The following MFN2 variants were observed in gnomAD, a reference collection of about 807,000 sequenced individuals.
MFN2 encodes the protein mitofusin-2.
MFN2 carries 43 observed loss-of-function variants against 87.5 expected under a neutral mutation model. The observed-to-expected ratio is 0.49, with a 90% confidence interval of 0.38 to 0.63. MFN2 has a LOEUF of 0.63. MFN2 is among the 30% of genes least tolerant of loss of function. MFN2 has a pLI of 0.00. For synonymous variants in MFN2, 337 were observed against 359.9 expected (o/e 0.94, Z 0.72); for missense variants, 743 against 972.8 (o/e 0.76, Z 3.14).
chr1:12,004,309 G>T lies in MFN2; in HGVS notation c.1287+191G>T, dbSNP rs1361477738. On this transcript the variant is annotated intron_variant, in intron 12 of 18. Coordinates refer to ENST00000235329, the MANE Select transcript of MFN2 (RefSeq NM_014874.4). This position sits in a 1 kb window ranked among gnomAD's most constrained non-coding sequence, Gnocchi z 4.2. ...ATGCTGGGCATGTTCCCTTTCCTCT[G>T]GACCTCCACAGATCATGTGGGCGTT... is the stretch of plus-strand genomic sequence containing the variant. Among the ~76,000 whole-genome samples, 1 of 152,116 alleles carries T rather than the reference G, an allele frequency of 6.6e-6. No individual in the cohort carries two copies. The highest frequency in any genetic ancestry group is 1.5e-5 in the Non-Finnish European group (1 of 68,024).
At position 12,003,669 on chromosome 1, in the gene MFN2, A is replaced by T. The variant is rs1000672701; in HGVS notation, c.1161-323A>T. ...ACAAGAGTGAAACTCCATCTCAAAA[A>T]AAAAAAAAAAATCATTTCTGTGATT... On this transcript the variant is annotated intron_variant, in intron 11 of 18. Transcript: ENST00000235329. This position sits in a 1 kb window ranked among gnomAD's most constrained non-coding sequence, Gnocchi z 4.1. Among the ~76,000 whole-genome samples, 1 of 152,116 alleles carries T rather than the reference A, an allele frequency of 6.6e-6. No individual in the cohort carries two copies. The highest frequency in any genetic ancestry group is 1.5e-5 in the Non-Finnish European group (1 of 68,022).
chr1:12,001,892 C>CT, intron 10 of MFN2, 56 bp downstream of exon 10: 1 of 1,613,816 alleles, frequency 6.2e-7, no homozygotes, highest in Non-Finnish European at 8.5e-7. Flanking sequence ...CTCCCATTGG[C>CT]TGTGTCCCTG....
chr1:12,004,859 G>A lies in MFN2; in HGVS notation c.1427G>A (p.Arg476Gln), dbSNP rs1331318781. 14 of 1,613,946 alleles carry A rather than the reference G, an allele frequency of 8.7e-6. No homozygotes were observed. The highest frequency in any genetic ancestry group is 2.2e-5 in the East Asian group (1 of 44,872). The change falls in exon 14 of 19, where the codon CGA becomes CAA. Residue 476 changes from arginine (R) to glutamine (Q), a missense_variant. Physicochemically the swap from Arg to Gln is conservative, Grantham distance 43. Transcript: ENST00000235329. This position sits in a 1 kb window ranked among gnomAD's most constrained non-coding sequence, Gnocchi z 4.2. ...LHRHIEEGLG[R>Q]NMSDRCSTAI... ...CGCCACATAGAGGAAGGACTGGGTCGAAACATGTCTGACCGCTGCTCCACG... is the reference window on the plus strand; with the variant it reads ...CGCCACATAGAGGAAGGACTGGGTCAAAACATGTCTGACCGCTGCTCCACG...
At position 11,982,861 on chromosome 1, in the gene MFN2, T is replaced by C. The variant is rs377312147; in HGVS notation, c.-5+747T>C. 2.6e-5 allele frequency among the ~76,000 whole-genome samples: 4 copies of C among 152,168 alleles called. No homozygotes were observed. The East Asian group carries it at 7.7e-4, about 29-fold the overall frequency. ...GAGAGTACCAGAAAGAGTGGGCTTT[T>C]CCCTAAAGTGTGATCCTCGGGATTT... On this transcript the variant is annotated intron_variant, in intron 2 of 18. Transcript: ENST00000235329.
At chr1:12,009,755 A>T (rs775678790) in intron 18 of MFN2, 29 bp downstream of exon 18, 11 of 1,613,824 alleles carry the variant, frequency 6.8e-6, no homozygotes, top group Middle Eastern at 1.6e-4. Flanking sequence ...GCCAAAGGTT[A>T]GGGCTCCAGG....
At chr1:11,994,364 A>G (rs1472752503) in intron 4 of MFN2, among the ~76,000 whole-genome samples, 1 of 152,202 alleles carries the variant, frequency 6.6e-6, no homozygotes, top group Non-Finnish European at 1.5e-5. Context: ...CAAGGCAGGC[A>G]GATCACAAGG....
Position 12,011,733 on chromosome 1 carries a change from C to T in MFN2, c.*168C>T, listed in dbSNP as rs984442568. 8 of 686,288 alleles carry T rather than the reference C, an allele frequency of 1.2e-5. No individual in the cohort carries two copies. The highest frequency in any genetic ancestry group is 2.0e-5 in the Non-Finnish European group (8 of 398,878). 42.5% of individuals were successfully genotyped at this position (686,288 alleles called of 1,614,324 possible). ...GCCCTCCAGCACTACTTATTTTCCC[C>T]CACCTTTGCCTGCTGTTGCTGGAAG... On this transcript the variant is annotated 3_prime_UTR_variant, in exon 19 of 19. Transcript: ENST00000235329.
intron 15 of MFN2, among the ~76,000 whole-genome samples, chr1:12,006,252 T>C (rs989733510): frequency 6.6e-6 from 1 of 152,216 alleles, no homozygotes; most frequent in Admixed American, 6.5e-5. Context: ...AAAACATTCA[T>C]CTCTAAACCA....
rs1414120867 is a variant in MFN2, at chr1:12,004,202, C to A, written c.1287+84C>A. The A allele has an allele frequency of 1.3e-6, 2 of 1,555,298 alleles. No individual in the cohort carries two copies. The highest frequency in any genetic ancestry group is 1.4e-5 in the African/African-American group (1 of 73,400). ...AAAGCAGACCTCCTCCTCTTAGGGA[C>A]TTCTCAGCCTTTCAGAAGAAAGTTG... On this transcript the variant is annotated intron_variant, in intron 12 of 18. Transcript: ENST00000235329. This position sits in a 1 kb window ranked among gnomAD's most constrained non-coding sequence, Gnocchi z 4.2.
At chr1:11,992,476 G>A (rs1404721482) in intron 3 of MFN2, 79 bp from the exon 4 acceptor site, 18 of 1,573,772 alleles carry the variant, frequency 1.1e-5, no homozygotes, top group African/African-American at 2.7e-5. Flanking sequence ...AAGCAGGGCC[G>A]GCGCTCTGGC....
intron 17 of MFN2, among the ~76,000 whole-genome samples, chr1:12,009,046 G>A (rs1020610591): frequency 5.3e-5 from 8 of 152,222 alleles, no homozygotes; most frequent in Non-Finnish European, 1.0e-4. Flanking sequence ...AAAAAAATAC[G>A]AAAACCAGTC....
intron 14 of MFN2, among the ~76,000 whole-genome samples, chr1:12,005,310 T>A (rs894006134): frequency 2.6e-5 from 4 of 152,264 alleles, no homozygotes; most frequent in Admixed American, 6.5e-5. Flanking sequence ...CTCTAACTCC[T>A]GACCTCAAGT....
At chr1:11,987,058 C>T (rs1362676250) in intron 2 of MFN2, among the ~76,000 whole-genome samples, 1 of 152,164 alleles carries the variant, frequency 6.6e-6, no homozygotes, top group Non-Finnish European at 1.5e-5. Context: ...GCCTGTATTC[C>T]CAGCACTTCG....
At position 12,007,264 on chromosome 1, in the gene MFN2, C is replaced by T. The variant is rs375924621; in HGVS notation, c.2069+15C>T. On this transcript the variant is annotated intron_variant, in intron 17 of 18. Transcript: ENST00000235329. ...CAAGTCCAGCAGTGAGTGGCCCTGTCGGACCCCAGCAGGGGACTTCCTTTA... is the reference window on the plus strand; with the variant it reads ...CAAGTCCAGCAGTGAGTGGCCCTGTTGGACCCCAGCAGGGGACTTCCTTTA... The T allele has an allele frequency of 2.7e-5, 44 of 1,612,412 alleles. No individual in the cohort carries two copies. The highest frequency in any genetic ancestry group is 1.6e-4 in the Middle Eastern group (1 of 6,074).
chr1:12,004,201 A>T lies in MFN2; in HGVS notation c.1287+83A>T, dbSNP rs1289661159. ...GAAAGCAGACCTCCTCCTCTTAGGG[A>T]CTTCTCAGCCTTTCAGAAGAAAGTT... On this transcript the variant is annotated intron_variant, in intron 12 of 18. Coordinates refer to ENST00000235329, the MANE Select transcript of MFN2 (RefSeq NM_014874.4). The surrounding 1 kb of genome is among the most constrained non-coding windows in gnomAD (Gnocchi z 4.2). 2 of 1,563,980 alleles carry T rather than the reference A, an allele frequency of 1.3e-6. No homozygotes were observed. Among genetic ancestry groups the T allele is most frequent in the Non-Finnish European group, 1.7e-6 (2 of 1,143,228 alleles).
Position 12,004,102 on chromosome 1 carries a change from A to G in MFN2, c.1271A>G (p.Glu424Gly), listed in dbSNP as rs1557530247. 6 of 1,614,118 alleles carry G rather than the reference A, an allele frequency of 3.7e-6. No homozygotes were observed. The East Asian group carries it at 1.3e-4, about 36-fold the overall frequency. The change falls in exon 12 of 19, where the codon GAG (glutamate) becomes GGG (glycine). Residue 424 changes from glutamate (E) to glycine (G), a missense_variant. By Grantham distance (98) the Glu-to-Gly change is moderately conservative. Transcript: ENST00000235329. This position sits in a 1 kb window ranked among gnomAD's most constrained non-coding sequence, Gnocchi z 4.2. ...AAGCTGCGAATTAAGCAGATTACGG[A>G]GGAAGTGGAGAGGCAGGTGAGAAAT... ...DYKLRIKQITEEVERQVSTAM... is the reference protein window; with the variant it reads ...DYKLRIKQITGEVERQVSTAM...
At position 12,007,234 on chromosome 1, in the gene MFN2, G is replaced by A; in HGVS notation, c.2054G>A (p.Ser685Asn). 6.2e-7 allele frequency: 1 copy of A among 1,614,030 alleles called. No homozygotes were observed. Among genetic ancestry groups the A allele is most frequent in the Non-Finnish European group, 8.5e-7 (1 of 1,180,022 alleles). Reference sequence around the variant, plus strand: ...ATCAGCTACACTGGCTCCAACTGCAGCCACCAAGTCCAGCAGTGAGTGGCC... The same window carrying A: ...ATCAGCTACACTGGCTCCAACTGCAACCACCAAGTCCAGCAGTGAGTGGCC... ...LVISYTGSNC[S>N]HQVQQELSGT... Residue 685 changes from serine (S) to asparagine (N), a missense_variant, in exon 17 of 19, where the codon AGC becomes AAC. Physicochemically the swap from Ser to Asn is conservative, Grantham distance 46. Transcript: ENST00000235329.
intron 18 of MFN2, among the ~76,000 whole-genome samples, chr1:12,010,987 C>T (rs951712699): frequency 3.9e-5 from 6 of 152,114 alleles, no homozygotes; most frequent in Admixed American, 2.6e-4. Flanking sequence ...CAACCCTCAC[C>T]GGATCACTGG....
chr1:12,005,619 C>A, intron 14 of MFN2, 92 bp from the exon 15 acceptor site: 1 of 1,294,420 alleles, frequency 7.7e-7, no homozygotes, highest in Non-Finnish European at 1.1e-6. Flanking sequence ...GCATCCCTGG[C>A]AGTAGCTGGT....
Sources: gnomAD v4.1 joint callset for allele counts (sites outside exome capture counted in the v4.1 genomes callset) on GRCh38, gnomAD v4.1.1 for gene constraint, Gnocchi (gnomAD v3.1) non-coding constraint, MANE v1.5 for transcripts, NCBI Gene and HGNC (gene_info 2026-07-23, HGNC 2026-07-21) for gene names.